The following FSTL4 variants were observed in gnomAD, a reference collection of about 807,000 sequenced individuals.
FSTL4 encodes follistatin-related protein 4.
In FSTL4, 28 loss-of-function variants were observed where a neutral mutation model predicts 78.2. The ratio of observed to expected loss-of-function variants is 0.36; its 90% confidence interval spans 0.27 to 0.49. The LOEUF (loss-of-function observed/expected upper bound fraction) is 0.49, where lower values mean the gene tolerates loss of function less well. Ranked by LOEUF, FSTL4 falls within the 20% of genes least tolerant of loss-of-function variation. FSTL4 has a pLI of 0.98. For synonymous variants in FSTL4, 422 were observed against 440.5 expected (o/e 0.96, Z 0.53); for missense variants, 922 against 1,084.9 (o/e 0.85, Z 2.11).
rs1245755775 is a variant in FSTL4 at position 133,197,369 on chromosome 5, T to C, written c.*1726A>G. ...TTCTAGGCTTTTGAGGTGAGCTTCCTCAACTTATATCTACATAGCATATCT... is the reference window on the plus strand; with the variant it reads ...TTCTAGGCTTTTGAGGTGAGCTTCCCCAACTTATATCTACATAGCATATCT... On this transcript the variant is annotated 3_prime_UTR_variant, in exon 16 of 16. Transcript: ENST00000265342. 1.3e-5 allele frequency: 2 copies of C among 152,182 alleles called. No homozygotes were observed. The highest frequency in any genetic ancestry group is 2.9e-5 in the Non-Finnish European group (2 of 68,044). The allele number at this position is 152,182 out of a possible 1,614,324, so 9.4% of individuals were successfully genotyped here. A position where few individuals can be genotyped will look rare whatever the true frequency, so the allele number is the denominator to read the frequency against.
chr5:133,675,588 G>A, the FSTL4 span, among the ~76,000 whole-genome samples: 2 of 152,156 alleles, frequency 1.3e-5, no homozygotes, highest in Non-Finnish European at 2.9e-5. Flanking sequence ...AATGCCTAGC[G>A]TGGTGCAGTC....
chr5:133,616,020 T>G (rs968877334), upstream of FSTL4, among the ~76,000 whole-genome samples: 2 of 152,182 alleles, frequency 1.3e-5, no homozygotes, highest in African/African-American at 4.8e-5. Flanking sequence ...GGGGCTGGAT[T>G]GATGGCACAA....
At position 133,427,844 on chromosome 5, in the gene FSTL4, T is replaced by C. The variant is rs1160569849; in HGVS notation, c.161-26858A>G. On this transcript the variant is annotated intron_variant, in intron 3 of 15. Transcript: ENST00000265342. ...CTGGCCATGTGGCTCCAGAGAAGTG[T>C]GAGGGTTTGGGTTTCTCTGGGGAGG... The C allele has an allele frequency of 8.0e-6, 3 of 376,636 alleles. No individual in the cohort carries two copies. The East Asian group carries it at 1.8e-4, about 22-fold the overall frequency. 23.3% of individuals were successfully genotyped at this position (376,636 alleles called of 1,614,324 possible).
the FSTL4 span, among the ~76,000 whole-genome samples, chr5:133,789,987 A>T: frequency 8.5e-5 from 13 of 152,104 alleles, no homozygotes; most frequent in Non-Finnish European, 1.9e-4. Flanking sequence ...GGTCTGCCAC[A>T]ACTTGGTTCT....
At chr5:133,509,347 C>A (rs1476661115) in intron 3 of FSTL4, among the ~76,000 whole-genome samples, 1 of 152,186 alleles carries the variant, frequency 6.6e-6, no homozygotes, top group East Asian at 1.9e-4. Context: ...CCTGGCCAAC[C>A]TTCTCCGTCT....
intron 4 of FSTL4, among the ~76,000 whole-genome samples, chr5:133,330,588 G>C (rs969545973): frequency 2.0e-5 from 3 of 152,074 alleles, no homozygotes; most frequent in African/African-American, 7.3e-5. Flanking sequence ...TCCAACACTG[G>C]GGATTGCATT....
chr5:133,804,856 A>G, the FSTL4 span, among the ~76,000 whole-genome samples: 4 of 150,074 alleles, frequency 2.7e-5, no homozygotes. Context: ...AGGCAGGAGA[A>G]CGGCATGAAC....
the FSTL4 span, among the ~76,000 whole-genome samples, chr5:133,833,482 C>T: frequency 6.6e-6 from 1 of 152,316 alleles, no homozygotes; most frequent in African/African-American, 2.4e-5. Flanking sequence ...TCTCCTACAT[C>T]TATTTAGAAT....
At chr5:133,659,687 TC>T in the FSTL4 span, among the ~76,000 whole-genome samples, 1 of 151,784 alleles carries the variant, frequency 6.6e-6, no homozygotes, top group Non-Finnish European at 1.5e-5. Flanking sequence ...ATCTTCTTCT[TC>T]CCCTTTCCTT....
chr5:133,378,738 C>T (rs148209181), intron 4 of FSTL4, among the ~76,000 whole-genome samples: 3,051 of 151,430 alleles, frequency 0.02, 103 homozygotes, highest in African/African-American at 0.068. Context: ...TATGGTAAAC[C>T]CCAGAAAAAT....
Position 133,603,892 on chromosome 5 carries a change from C to T in FSTL4, c.92G>A (p.Gly31Asp), listed in dbSNP as rs771738227. ...LGWMDPGTSR[G>D]PDVGVGESQA... ...TGACTCCCCCACACCCACATCCGGG[C>T]CTCTGCTGGTTCCTGGGTCCATCCA... Residue 31 changes from glycine to aspartate, a missense_variant, in exon 2 of 16, where the codon GGC becomes GAC. By Grantham distance (94) the Gly-to-Asp change is moderately conservative. Coordinates refer to ENST00000265342, the MANE Select transcript of FSTL4 (RefSeq NM_015082.2). 2.5e-6 allele frequency: 4 copies of T among 1,614,166 alleles called. No individual in the cohort carries two copies. In the East Asian group the frequency reaches 6.7e-5, roughly 27 times the overall value.
chr5:133,666,627 C>T, the FSTL4 span, among the ~76,000 whole-genome samples: 5 of 151,792 alleles, frequency 3.3e-5, no homozygotes, highest in Non-Finnish European at 7.4e-5. Context: ...GCTTTAACAC[C>T]GTTTTCCTCT....
chr5:133,538,993 T>A (rs1038897778), intron 3 of FSTL4, among the ~76,000 whole-genome samples: 2 of 152,278 alleles, frequency 1.3e-5, no homozygotes, highest in Admixed American at 6.5e-5. Flanking sequence ...CTTCACAAGA[T>A]GGTAACCTCA....
At chr5:133,564,213 T>C (rs184041251) in intron 3 of FSTL4, among the ~76,000 whole-genome samples, 43 of 152,306 alleles carry the variant, frequency 2.8e-4, no homozygotes, top group African/African-American at 9.6e-4. Flanking sequence ...CATTATGACT[T>C]CATCTTTATA....
chr5:133,750,194 C>T, the FSTL4 span, among the ~76,000 whole-genome samples: 6,769 of 152,210 alleles, frequency 0.044, 487 homozygotes, highest in African/African-American at 0.16. Flanking sequence ...AGGTGCAGGA[C>T]CCAGAGGGAC....
the FSTL4 span, among the ~76,000 whole-genome samples, chr5:133,838,490 C>T: frequency 6.6e-6 from 1 of 152,166 alleles, no homozygotes; most frequent in Non-Finnish European, 1.5e-5. Flanking sequence ...TTGGGGTCTC[C>T]CATGAGGTTG....
intron 6 of FSTL4, among the ~76,000 whole-genome samples, chr5:133,311,990 C>T (rs1259087591): frequency 6.6e-6 from 1 of 152,186 alleles, no homozygotes; most frequent in Non-Finnish European, 1.5e-5. Flanking sequence ...TCTTGTAAGT[C>T]CTGTCCCAGC....
At chr5:133,684,082 C>G in the FSTL4 span, among the ~76,000 whole-genome samples, 1 of 152,186 alleles carries the variant, frequency 6.6e-6, no homozygotes, top group Non-Finnish European at 1.5e-5. Flanking sequence ...ACTTAATGCC[C>G]CATGGCTGAC....
chr5:133,239,001 C>T (rs1013040404), intron 7 of FSTL4, among the ~76,000 whole-genome samples: 7 of 152,262 alleles, frequency 4.6e-5, no homozygotes, highest in South Asian at 4.1e-4. Context: ...GAGGCGCGGG[C>T]GGGAACCGGG....
Sources: allele counts gnomAD v4.1 joint callset (sites outside exome capture counted in the v4.1 genomes callset), GRCh38; gene constraint gnomAD v4.1.1; transcripts MANE v1.5; gene names NCBI Gene and HGNC (gene_info 2026-07-23, HGNC 2026-07-21).